NCAPG: variants seen among roughly 807,000 people sequenced by gnomAD.
The protein encoded by NCAPG is condensin complex subunit 3.
In NCAPG, 69 loss-of-function variants were observed where a neutral mutation model predicts 113.1. The ratio of observed to expected loss-of-function variants is 0.61; its 90% CI spans 0.50 to 0.75. NCAPG has a LOEUF of 0.75. Among genes scored for constraint, NCAPG ranks in the 30% least tolerant of loss-of-function variants. The pLI, the probability that NCAPG is intolerant of heterozygous loss-of-function variation, is 0.00. For synonymous variants in NCAPG, 370 were observed against 415.8 expected (o/e 0.89, Z 1.34); for missense variants, 1,058 against 1,177.0 (o/e 0.90, Z 1.48).
rs1019716425 is a variant in NCAPG at position 17,844,320 on chromosome 4, C to T, written c.*895C>T. On this transcript the variant is annotated 3_prime_UTR_variant, in exon 21 of 21. Coordinates refer to ENST00000251496, the MANE Select transcript of NCAPG (RefSeq NM_022346.5). ...TGGTCCTCTTTTCTGCAATACCCAA[C>T]GAAACACCTTTTCTCTTTATTATTC... The T allele has an allele frequency of 3.9e-5, 6 of 152,334 alleles. No individual in the cohort carries two copies. The highest frequency in any genetic ancestry group is 6.6e-5 in the Admixed American group (1 of 15,252). 9.4% of individuals were successfully genotyped at this position (152,334 alleles called of 1,614,324 possible). A position where few individuals can be genotyped will look rare whatever the true frequency, so the allele number is the denominator to read the frequency against.
chr4:17,831,185 T>C, intron 13 of NCAPG, 69 bp downstream of exon 13: 1 of 1,453,386 alleles, frequency 6.9e-7, no homozygotes, highest in South Asian at 1.3e-5. Flanking sequence ...ATGCTAATAC[T>C]CTGAATTTAT....
At chr4:17,840,320 T>G in intron 18 of NCAPG, 111 bp downstream of exon 18, 2 of 1,179,892 alleles carry the variant, frequency 1.7e-6, no homozygotes, top group Non-Finnish European at 2.3e-6. Flanking sequence ...CAGAAATGAA[T>G]GAAATTTTTT....
intron 3 of NCAPG, among the ~76,000 whole-genome samples, chr4:17,814,533 T>C (rs1457155932): frequency 2.0e-5 from 3 of 152,212 alleles, no homozygotes; most frequent in African/African-American, 7.2e-5. Flanking sequence ...GGCCTCAAAC[T>C]CCTGGGCTTA....
At chr4:17,816,001 T>TATGA (rs1721189921) in intron 5 of NCAPG, among the ~76,000 whole-genome samples, 1 of 152,096 alleles carries the variant, frequency 6.6e-6, no homozygotes, top group African/African-American at 2.4e-5. Context: ...TATACTTTGG[T>TATGA]ATGAATGTGT....
At chr4:17,824,892 G>T in intron 9 of NCAPG, 76 bp from the exon 10 acceptor site, 1 of 978,942 alleles carries the variant, frequency 1.0e-6, no homozygotes, top group Non-Finnish European at 1.6e-6. Flanking sequence ...GATACTACTT[G>T]GAGTTTTATA....
chr4:17,815,015 T>C lies in NCAPG; in HGVS notation c.690+17T>C, dbSNP rs748581255. On this transcript the variant is annotated intron_variant, in intron 4 of 20. Transcript: ENST00000251496. ...GCTTATCAGGTAAATAAGTTCAATG[T>C]CTTGTGTTGGCATATTCTTAAAGGA... The C allele has an allele frequency of 1.2e-6, 2 of 1,613,478 alleles. No homozygotes were observed. The highest frequency in any genetic ancestry group is 1.7e-6 in the Non-Finnish European group (2 of 1,179,796).
At position 17,840,078 on chromosome 4, in the gene NCAPG, AAGAT is replaced by A; in HGVS notation, c.2639_2642del (p.Asp880GlyfsTer4). The A allele has an allele frequency of 6.3e-7, 1 of 1,597,118 alleles. No individual in the cohort carries two copies. Among genetic ancestry groups the A allele is most frequent in the Admixed American group, 1.8e-5 (1 of 55,302 alleles). On this transcript the variant is annotated frameshift_variant, in exon 18 of 21. Coordinates refer to ENST00000251496, the MANE Select transcript of NCAPG (RefSeq NM_022346.5). LOFTEE classifies it high-confidence loss of function. ...TAATGTTTTCTTTTATAGCAAGTAAAAGATAGGACATGTCTGAGAGCTTTGGAGA... is the reference window on the plus strand; with the variant it reads ...TAATGTTTTCTTTTATAGCAAGTAAAAGGACATGTCTGAGAGCTTTGGAGA...
At chr4:17,842,637 G>C in intron 20 of NCAPG, 1 of 348,016 alleles carries the variant, frequency 2.9e-6, no homozygotes, top group Non-Finnish European at 5.3e-6. Context: ...TTAATTACAT[G>C]ATGTGACTCC....
Position 17,840,703 on chromosome 4 carries a change from G to C in NCAPG, c.2854+10G>C. ...CTAAAGACTAACAGAGGTAGTGTGT[G>C]GATTGACCATCTTTATGATAAAAGT... is the stretch of plus-strand genomic sequence containing the variant. On this transcript the variant is annotated intron_variant, in intron 19 of 20. Coordinates refer to ENST00000251496, the MANE Select transcript of NCAPG (RefSeq NM_022346.5). 1 of 1,458,412 alleles carries C rather than the reference G, an allele frequency of 6.9e-7. No homozygotes were observed. The highest frequency in any genetic ancestry group is 9.1e-7 in the Non-Finnish European group (1 of 1,102,682). 90.3% of individuals were successfully genotyped at this position (1,458,412 alleles called of 1,614,324 possible). A position where few individuals can be genotyped will look rare whatever the true frequency, so the allele number is the denominator to read the frequency against.
At chr4:17,813,698 A>C (rs1721086674) in intron 3 of NCAPG, among the ~76,000 whole-genome samples, 1 of 152,080 alleles carries the variant, frequency 6.6e-6, no homozygotes, top group Admixed American at 6.6e-5. Context: ...CCTTTGGGGT[A>C]TCTTTTTTTT....
Position 17,817,991 on chromosome 4 carries a change from G to A in NCAPG, c.1021G>A (p.Ala341Thr), listed in dbSNP as rs777296660. Residue 341 changes from alanine to threonine, a missense_variant, in exon 7 of 21, where the codon GCC (alanine) becomes ACC (threonine). Transcript: ENST00000251496. Reference sequence around the variant, plus strand: ...TCCTGAAATTGCTTTGTATTGGTGTGCCCTTTGTGAATATTTGAAATCAAA... The same window carrying A: ...TCCTGAAATTGCTTTGTATTGGTGTACCCTTTGTGAATATTTGAAATCAAA... ...LTPEIALYWC[A>T]LCEYLKSKGD... 21 of 1,613,354 alleles carry A rather than the reference G, an allele frequency of 1.3e-5. No individual in the cohort carries two copies. The South Asian group carries it at 2.2e-4, about 17-fold the overall frequency.
rs1376483155 is a variant in NCAPG at position 17,843,126 on chromosome 4, G to T, written c.2925-176G>T. 1.6e-5 allele frequency: 9 copies of T among 570,790 alleles called. No individual in the cohort carries two copies. In the African/African-American group the frequency reaches 1.7e-4, roughly 11 times the overall value. 35.4% of individuals were successfully genotyped at this position (570,790 alleles called of 1,614,324 possible). A position where few individuals can be genotyped will look rare whatever the true frequency, so the allele number is the denominator to read the frequency against. Reference sequence around the variant, plus strand: ...AGATTTTCCCTGATTCACTTTGCTAGATAGCCAAGTCAGTGTTTTTTTGAC... The same window carrying T: ...AGATTTTCCCTGATTCACTTTGCTATATAGCCAAGTCAGTGTTTTTTTGAC... On this transcript the variant is annotated intron_variant, in intron 20 of 20. Transcript: ENST00000251496.
At chr4:17,838,050 C>T (rs965251276) in intron 16 of NCAPG, among the ~76,000 whole-genome samples, 1 of 152,188 alleles carries the variant, frequency 6.6e-6, no homozygotes, top group African/African-American at 2.4e-5. Context: ...CCATGCCCAC[C>T]TAGTACTGAC....
chr4:17,828,285 C>T lies in NCAPG; in HGVS notation c.1661C>T (p.Ala554Val), dbSNP rs1721731906. The change falls in exon 12 of 21, where the codon GCT becomes GTT. Residue 554 changes from alanine to valine, a missense_variant. Transcript: ENST00000251496. ...ATTTTGTCTTCATTTTAGAATGATG[C>T]TGAAACATTGCAGAAATGTCTTATT... The part of the protein sequence containing the change: ...IKEVHIEKND[A>V]ETLQKCLILC... 2 of 1,605,494 alleles carry T rather than the reference C, an allele frequency of 1.2e-6. No homozygotes were observed. Among genetic ancestry groups the T allele is most frequent in the Non-Finnish European group, 1.7e-6 (2 of 1,175,048 alleles).
chr4:17,835,157 A>G (rs1051733093), intron 14 of NCAPG, among the ~76,000 whole-genome samples: 4 of 152,154 alleles, frequency 2.6e-5, no homozygotes, highest in African/African-American at 9.7e-5. Flanking sequence ...CTGATTAAAA[A>G]TTTTTTATAC....
intron 7 of NCAPG, among the ~76,000 whole-genome samples, chr4:17,821,135 A>G (rs538289709): frequency 6.6e-6 from 1 of 152,244 alleles, no homozygotes; most frequent in African/African-American, 2.4e-5. Flanking sequence ...AAAAAAACTC[A>G]GTCAAGATGC....
In NCAPG at chr4:17,818,036, T is replaced by C. The variant is rs1028901132; in HGVS notation, c.1066T>C (p.Phe356Leu). 9 of 1,613,424 alleles carry C rather than the reference T, an allele frequency of 5.6e-6. No homozygotes were observed. Among genetic ancestry groups the C allele is most frequent in the Non-Finnish European group, 7.6e-6 (9 of 1,179,794 alleles). Reference sequence around the variant, plus strand: ...ATCAAAAGGAGATGAAGGTGAAGAATTTTTAGAGCAGATTTTGCCAGAGCC... The same window carrying C: ...ATCAAAAGGAGATGAAGGTGAAGAACTTTTAGAGCAGATTTTGCCAGAGCC... ...LKSKGDEGEE[F>L]LEQILPEPVV... Residue 356 changes from phenylalanine to leucine, a missense_variant, in exon 7 of 21, where the codon TTT becomes CTT. Phe to Leu is a conservative substitution (Grantham distance 22). Transcript: ENST00000251496.
intron 11 of NCAPG, among the ~76,000 whole-genome samples, 157 bp from the exon 12 acceptor site, chr4:17,828,121 C>T (rs1721726184): frequency 6.6e-6 from 1 of 152,000 alleles, no homozygotes. Flanking sequence ...ATTTTAAAAT[C>T]CTGCCTCTAC....
chr4:17,821,687 C>T (rs1721462241), intron 7 of NCAPG, among the ~76,000 whole-genome samples: 1 of 151,980 alleles, frequency 6.6e-6, no homozygotes, highest in South Asian at 2.1e-4. Context: ...TCTTCTTGAA[C>T]TCCTGATGTC....
Sources: allele counts gnomAD v4.1 joint callset (sites outside exome capture counted in the v4.1 genomes callset), GRCh38; gene constraint gnomAD v4.1.1; transcripts MANE v1.5; gene names NCBI Gene and HGNC (gene_info 2026-07-23, HGNC 2026-07-21).